Variants in ST8SIA4 observed in about 807,000 individuals in gnomAD.
ST8SIA4 encodes the protein ST8 alpha-N-acetyl-neuraminide alpha-2,8-sialyltransferase 4.
Under a neutral mutation model 33.9 loss-of-function variants are expected in ST8SIA4, and 15 were observed. The observed-to-expected ratio is 0.44, with a 90% CI of 0.30 to 0.68. The LOEUF (loss-of-function observed/expected upper bound fraction) is 0.68. ST8SIA4 is among the 30% of genes least tolerant of loss of function. The pLI, the probability that ST8SIA4 is intolerant of heterozygous loss-of-function variation, is 0.10. For missense variants in ST8SIA4, 321 were observed against 428.0 expected (o/e 0.75, Z 2.21); for synonymous variants, 171 against 151.2 (o/e 1.13, Z -0.96).
At chr5:100,894,205 G>A (rs1446146715) in intron 2 of ST8SIA4, among the ~76,000 whole-genome samples, 1 of 152,092 alleles carries the variant, frequency 6.6e-6, no homozygotes, top group Non-Finnish European at 1.5e-5. Context: ...TAAACCTTAG[G>A]AAGAGTACAG....
intron 4 of ST8SIA4, among the ~76,000 whole-genome samples, chr5:100,854,251 C>G (rs1751765228): frequency 6.6e-6 from 1 of 151,612 alleles, no homozygotes. Context: ...TGTCAACCAC[C>G]AAGAGAATGT....
intron 4 of ST8SIA4, among the ~76,000 whole-genome samples, chr5:100,838,764 T>G (rs1751413579): frequency 6.6e-6 from 1 of 152,184 alleles, no homozygotes; most frequent in South Asian, 2.1e-4. Flanking sequence ...ACACTGTAGA[T>G]GCTTAGAAGC....
rs981429939 is a variant in ST8SIA4, at chr5:100,808,972, G to C, written c.*2875C>G. ...ACACTGAAGCCCTTTTTTTCATGCT[G>C]AACATTTTTGGAAGTGGGCAATGTA... On this transcript the variant is annotated 3_prime_UTR_variant, in exon 5 of 5. Transcript: ENST00000231461. 3 of 152,380 alleles carry C rather than the reference G, an allele frequency of 2.0e-5. No homozygotes were observed. The highest frequency in any genetic ancestry group is 4.4e-5 in the Non-Finnish European group (3 of 67,976). The allele number at this position is 152,380 out of a possible 1,614,324, so 9.4% of individuals were successfully genotyped here.
At chr5:100,817,868 T>G (rs1396300551) in intron 4 of ST8SIA4, among the ~76,000 whole-genome samples, 1 of 152,192 alleles carries the variant, frequency 6.6e-6, no homozygotes, top group Non-Finnish European at 1.5e-5. Context: ...CAGACAGACA[T>G]ATTTAACATG....
At chr5:100,856,665 T>G (rs192712638) in intron 3 of ST8SIA4, among the ~76,000 whole-genome samples, 251 of 152,334 alleles carry the variant, frequency 1.6e-3, no homozygotes, top group Admixed American at 4.4e-3. Context: ...TCCTTTGCTA[T>G]TATCTCATAA....
rs144014921 is a variant in ST8SIA4, at chr5:100,834,388, A to G, written c.797+21715T>C. The stretch of plus-strand genomic sequence containing the variant: ...AAAAGAAATATTTTTATCTATGAAA[A>G]TGCCTATAATTTGGTATCGAATGGG... On this transcript the variant is annotated intron_variant, in intron 4 of 4. Transcript: ENST00000231461. 3.6e-3 allele frequency among the ~76,000 whole-genome samples: 550 copies of G among 152,302 alleles called. 2 individuals carry two copies. The highest frequency in any genetic ancestry group is 0.012 in the African/African-American group (501 of 41,576).
intron 3 of ST8SIA4, among the ~76,000 whole-genome samples, chr5:100,861,546 G>C (rs1277273600): frequency 6.6e-6 from 1 of 152,084 alleles, no homozygotes; most frequent in Non-Finnish European, 1.5e-5. Context: ...TTAGATTTGG[G>C]AGGGGAGAAA....
intron 4 of ST8SIA4, among the ~76,000 whole-genome samples, chr5:100,838,081 A>G (rs1477752272): frequency 6.6e-6 from 1 of 152,016 alleles, no homozygotes; most frequent in Non-Finnish European, 1.5e-5. Flanking sequence ...GGATGAATGA[A>G]TCAGGCTTGT....
chr5:100,899,786 A>G (rs941196492), intron 1 of ST8SIA4, among the ~76,000 whole-genome samples: 1 of 152,236 alleles, frequency 6.6e-6, no homozygotes, highest in African/African-American at 2.4e-5. Context: ...GTGCACAAAG[A>G]GCTAATTAAG....
At position 100,886,337 on chromosome 5, in the gene ST8SIA4, G is replaced by A. The variant is rs1282541372; in HGVS notation, c.503+6C>T. On this transcript the variant is annotated splice_donor_region_variant and intron_variant, in intron 3 of 4. Coordinates refer to ENST00000231461, the MANE Select transcript of ST8SIA4 (RefSeq NM_005668.6). The stretch of plus-strand genomic sequence containing the variant: ...TTACAATCTCAAAAAGCAGAAGAAA[G>A]CTCACCTTATTACAAAATTGTGACT... The A allele has an allele frequency of 2.5e-6, 4 of 1,611,190 alleles. No homozygotes were observed. The highest frequency in any genetic ancestry group is 1.1e-5 in the South Asian group (1 of 90,916).
chr5:100,882,068 G>C (rs987259367), intron 3 of ST8SIA4, among the ~76,000 whole-genome samples: 1 of 152,170 alleles, frequency 6.6e-6, no homozygotes, highest in African/African-American at 2.4e-5. Flanking sequence ...CTTTGGAACC[G>C]TGTAACAGGC....
chr5:100,813,673 T>G (rs901781204), intron 4 of ST8SIA4, among the ~76,000 whole-genome samples: 7 of 152,056 alleles, frequency 4.6e-5, no homozygotes, highest in African/African-American at 1.7e-4. Flanking sequence ...AACTATGATG[T>G]GGCCTGAAGC....
intron 1 of ST8SIA4, among the ~76,000 whole-genome samples, chr5:100,902,556 C>G (rs999553895): frequency 3.9e-5 from 6 of 152,170 alleles, no homozygotes; most frequent in South Asian, 4.1e-4. Context: ...CAAGGACACA[C>G]GTTCTTTGTT....
At chr5:100,834,415 A>C (rs1481695737) in intron 4 of ST8SIA4, among the ~76,000 whole-genome samples, 2 of 152,222 alleles carry the variant, frequency 1.3e-5, no homozygotes, top group Non-Finnish European at 2.9e-5. Flanking sequence ...TCGAATGGGG[A>C]CATTAAAATG....
intron 4 of ST8SIA4, among the ~76,000 whole-genome samples, chr5:100,832,558 A>C (rs1751284992): frequency 6.6e-6 from 1 of 152,168 alleles, no homozygotes; most frequent in African/African-American, 2.4e-5. Flanking sequence ...TTACTGCACT[A>C]AAATGTATTG....
Position 100,886,372 on chromosome 5 carries a change from C to T in ST8SIA4, c.474G>A (p.Lys158=). The T allele has an allele frequency of 1.2e-6, 2 of 1,613,842 alleles. No homozygotes were observed. Among genetic ancestry groups the T allele is most frequent in the South Asian group, 2.2e-5 (2 of 91,080 alleles). Residue 158 remains lysine, a synonymous_variant, in exon 3 of 5, where the codon AAG becomes AAA. Coordinates refer to ENST00000231461, the MANE Select transcript of ST8SIA4 (RefSeq NM_005668.6). The part of the protein sequence containing the change: ...SGILLDSECG[K]EIDSHNFVIR... ...TTACAAAATTGTGACTGTCAATCTCCTTTCCACATTCACTGTCTAACAGAA... is the reference window on the plus strand; with the variant it reads ...TTACAAAATTGTGACTGTCAATCTCTTTTCCACATTCACTGTCTAACAGAA...
chr5:100,827,821 C>T (rs1267041682), intron 4 of ST8SIA4, among the ~76,000 whole-genome samples: 2 of 152,170 alleles, frequency 1.3e-5, no homozygotes, highest in Non-Finnish European at 2.9e-5. Context: ...ATAGCACTGA[C>T]ATTCACAGCA....
chr5:100,883,924 C>T (rs1752482039), intron 3 of ST8SIA4, among the ~76,000 whole-genome samples: 1 of 152,158 alleles, frequency 6.6e-6, no homozygotes, highest in African/African-American at 2.4e-5. Flanking sequence ...GACTAATACA[C>T]CACTTAAGGA....
chr5:100,831,739 A>T (rs979992335), intron 4 of ST8SIA4, among the ~76,000 whole-genome samples: 4 of 152,180 alleles, frequency 2.6e-5, no homozygotes, highest in African/African-American at 7.2e-5. Flanking sequence ...GCATAGAGCT[A>T]AAATGCTCCT....
Sources: gnomAD v4.1 joint callset for allele counts (sites outside exome capture counted in the v4.1 genomes callset) on GRCh38, gnomAD v4.1.1 for gene constraint, MANE v1.5 for transcripts, NCBI Gene and HGNC (gene_info 2026-07-23, HGNC 2026-07-21) for gene names.